TRIM36: variants seen among roughly 807,000 people sequenced by gnomAD.
TRIM36 encodes tripartite motif containing 36.
TRIM36 carries 42 observed loss-of-function variants against 72.4 expected under a neutral mutation model. The observed-to-expected ratio is 0.58, with a 90% confidence interval of 0.45 to 0.75. The LOEUF is 0.75. Ranked by LOEUF, TRIM36 falls within the 30% of genes least tolerant of loss-of-function variation. The probability of loss-of-function intolerance (pLI) is 0.00; values close to 1 mark genes in which losing one functional copy is unlikely to be tolerated. For missense variants in TRIM36, 913 were observed against 857.1 expected, an observed-to-expected ratio of 1.07 and a Z score of -0.81; for synonymous variants, 315 against 282.8, an observed-to-expected ratio of 1.11 and a Z score of -1.14.
intron 2 of TRIM36, among the ~76,000 whole-genome samples, chr5:115,159,210 A>C (rs1388168233): frequency 6.6e-6 from 1 of 152,240 alleles, no homozygotes; most frequent in Non-Finnish European, 1.5e-5. Flanking sequence ...GTATAAAACG[A>C]GCAAAGATAT....
intron 8 of TRIM36, among the ~76,000 whole-genome samples, chr5:115,132,877 G>T (rs1422152937): frequency 6.6e-6 from 1 of 152,106 alleles, no homozygotes; most frequent in Admixed American, 6.5e-5. Context: ...CCATAAAATA[G>T]TTACTTAATA....
intron 2 of TRIM36, 105 bp from the exon 3 acceptor site, chr5:115,147,499 A>G: frequency 7.6e-7 from 1 of 1,308,432 alleles, no homozygotes; most frequent in Non-Finnish European, 1.1e-6. Context: ...TGTATCACAA[A>G]AACAGTATCC....
intron 7 of TRIM36, among the ~76,000 whole-genome samples, chr5:115,134,750 C>T (rs1341577546): frequency 6.6e-6 from 1 of 152,094 alleles, no homozygotes; most frequent in African/African-American, 2.4e-5. Context: ...CCGTGTTAGC[C>T]AGGATGTTCT....
intron 2 of TRIM36, among the ~76,000 whole-genome samples, chr5:115,162,402 C>T (rs926515942): frequency 6.6e-5 from 10 of 152,190 alleles, no homozygotes; most frequent in African/African-American, 9.7e-5. Flanking sequence ...AGAGGTTTCT[C>T]ATTCAACATC....
chr5:115,161,484 C>T (rs965247246), intron 2 of TRIM36, among the ~76,000 whole-genome samples: 1 of 152,194 alleles, frequency 6.6e-6, no homozygotes, highest in Non-Finnish European at 1.5e-5. Context: ...CTGCATGGGT[C>T]ACAGCCAAAG....
chr5:115,166,603 C>G (rs1198944933), intron 1 of TRIM36, among the ~76,000 whole-genome samples: 1 of 152,198 alleles, frequency 6.6e-6, no homozygotes, highest in Non-Finnish European at 1.5e-5. Context: ...TACAGGAACT[C>G]TGGACCTGCC....
intron 8 of TRIM36, among the ~76,000 whole-genome samples, chr5:115,131,450 G>A (rs1752671449): frequency 6.6e-6 from 1 of 152,224 alleles, no homozygotes; most frequent in African/African-American, 2.4e-5. Flanking sequence ...TTCAACTAGA[G>A]TTTCATCTAA....
rs367967198 is a variant in TRIM36 at position 115,126,491 on chromosome 5, C to A, written c.*12G>T. On this transcript the variant is annotated 3_prime_UTR_variant, in exon 10 of 10. Transcript: ENST00000513154. ...TTACAGTTTTTATCCTGAGTCACATCAGATGTTTCAACTACATGTCCTCTT... is the reference window on the plus strand; with the variant it reads ...TTACAGTTTTTATCCTGAGTCACATAAGATGTTTCAACTACATGTCCTCTT... 5.6e-6 allele frequency: 9 copies of A among 1,595,140 alleles called. No individual in the cohort carries two copies. In the South Asian group the frequency reaches 1.0e-4, roughly 18 times the overall value.
At position 115,137,464 on chromosome 5, in the gene TRIM36, C is replaced by T. The variant is rs1296063866; in HGVS notation, c.984G>A (p.Gln328=). Reference sequence around the variant, plus strand: ...CAAGTCCATTGTTCTCTAGAAGTCCCTGGTACTCTTCCATTTGAGTCTGAA... The same window carrying T: ...CAAGTCCATTGTTCTCTAGAAGTCCTTGGTACTCTTCCATTTGAGTCTGAA... The part of the protein sequence containing the change: ...DKFQTQMEEY[Q]GLLENNGLVG... Residue 328 remains glutamine, a synonymous_variant, in exon 6 of 10, where the codon CAG becomes CAA. Coordinates refer to ENST00000513154, the MANE Select transcript of TRIM36 (RefSeq NM_001300759.2). The T allele has an allele frequency of 6.2e-7, 1 of 1,614,146 alleles. No homozygotes were observed. Among genetic ancestry groups the T allele is most frequent in the Non-Finnish European group, 8.5e-7 (1 of 1,180,010 alleles).
intron 2 of TRIM36, among the ~76,000 whole-genome samples, chr5:115,157,542 C>A (rs190442298): frequency 6.6e-6 from 1 of 151,810 alleles, no homozygotes; most frequent in African/African-American, 2.4e-5. Flanking sequence ...CCAGCCTGAG[C>A]GACAACAGCG....
intron 2 of TRIM36, among the ~76,000 whole-genome samples, chr5:115,154,783 T>G (rs1358967573): frequency 1.3e-5 from 2 of 152,174 alleles, no homozygotes; most frequent in African/African-American, 4.8e-5. Context: ...CTAATCATAT[T>G]GACACTATTC....
At position 115,179,938 on chromosome 5, in the gene TRIM36, G is replaced by T. The variant is rs370319241; in HGVS notation, c.63+37C>A. On this transcript the variant is annotated intron_variant, in intron 1 of 9. Coordinates refer to the TRIM36 transcript ENST00000282369. ...GCGGGCCAGGTAGTGCCGGAGTCGG[G>T]GGCCCAGGCCGCGGCGCCCCGCGCC... The T allele has an allele frequency of 6.9e-6, 11 of 1,604,158 alleles. No homozygotes were observed. The African/African-American group carries it at 1.3e-4, about 20-fold the overall frequency.
Position 115,147,248 on chromosome 5 carries a change from C to T in TRIM36, c.409G>A (p.Ala137Thr), listed in dbSNP as rs1168058554. Residue 137 changes from alanine (A) to threonine (T), a missense_variant, in exon 3 of 10, where the codon GCT (alanine) becomes ACT (threonine). By Grantham distance (58) the Ala-to-Thr change is moderately conservative. Transcript: ENST00000513154. Reference sequence around the variant, plus strand: ...CACATAATGGCTGTGGCTGCCCTAGCTGCTTGACGATATCTTTCCACAATA... The same window carrying T: ...CACATAATGGCTGTGGCTGCCCTAGTTGCTTGACGATATCTTTCCACAATA... ...ETIVERYRQAARAATAIMCDL... is the reference protein window; with the variant it reads ...ETIVERYRQATRAATAIMCDL... 2 of 1,614,190 alleles carry T rather than the reference C, an allele frequency of 1.2e-6. No individual in the cohort carries two copies. Among genetic ancestry groups the T allele is most frequent in the Non-Finnish European group, 1.7e-6 (2 of 1,180,042 alleles).
At chr5:115,131,749 C>G (rs1366234324) in intron 8 of TRIM36, among the ~76,000 whole-genome samples, 2 of 152,100 alleles carry the variant, frequency 1.3e-5, no homozygotes, top group Non-Finnish European at 2.9e-5. Context: ...TCGATACATG[C>G]TACAACATGG....
At chr5:115,169,190 C>G (rs1401257946) in intron 1 of TRIM36, 1 of 170,596 alleles carries the variant, frequency 5.9e-6, no homozygotes, top group East Asian at 1.6e-4. Context: ...CGGCGGCAGC[C>G]GGCCGGGCCC....
At chr5:115,163,450 G>C (rs1013459011) in intron 2 of TRIM36, 68 bp downstream of exon 2, 79 of 1,346,750 alleles carry the variant, frequency 5.9e-5, no homozygotes, top group Non-Finnish European at 7.4e-5. Context: ...TTTCCTTCCA[G>C]TTACCACTGA....
intron 2 of TRIM36, chr5:115,149,019 G>A (rs1159682490): frequency 1.3e-5 from 2 of 152,066 alleles, no homozygotes; most frequent in Non-Finnish European, 2.9e-5. Flanking sequence ...ATGCTATATG[G>A]CATTGGGCCC....
rs918676867 is a variant in TRIM36 at position 115,169,721 on chromosome 5, G to C, written c.-87C>G. 29 of 1,482,670 alleles carry C rather than the reference G, an allele frequency of 2.0e-5. No homozygotes were observed. Among genetic ancestry groups the C allele is most frequent in the Middle Eastern group, 1.7e-4 (1 of 5,828 alleles). 91.8% of individuals were successfully genotyped at this position (1,482,670 alleles called of 1,614,324 possible). On this transcript the variant is annotated 5_prime_UTR_variant, in exon 1 of 10. Transcript: ENST00000513154. The stretch of plus-strand genomic sequence containing the variant: ...GGTCTGGTGGGCGGGTCCCTGCGGC[G>C]GCCGTGGAGCCTCGGTCCGAAGCTG...
chr5:115,153,210 G>A (rs934910406), intron 2 of TRIM36, among the ~76,000 whole-genome samples: 3 of 152,068 alleles, frequency 2.0e-5, no homozygotes, highest in African/African-American at 7.2e-5. Context: ...TCATGTGAAT[G>A]GACACCAAAA....
Sources: allele counts gnomAD v4.1 joint callset (sites outside exome capture counted in the v4.1 genomes callset), GRCh38; gene constraint gnomAD v4.1.1; transcripts MANE v1.5; gene names NCBI Gene and HGNC (gene_info 2026-07-23, HGNC 2026-07-21).